The following EP400 variants were observed in gnomAD, a reference collection of about 807,000 sequenced individuals.
EP400 encodes the protein E1A-binding protein p400.
A neutral mutation model predicts 354.1 loss-of-function variants in EP400; 105 were observed. The ratio of observed to expected loss-of-function variants is 0.30; its 90% CI spans 0.25 to 0.35. The LOEUF (loss-of-function observed/expected upper bound fraction) is 0.35, where lower values mean the gene tolerates loss of function less well. Ranked by LOEUF, EP400 falls within the 10% of genes least tolerant of loss-of-function variation. The probability of loss-of-function intolerance (pLI) is 1.00; values close to 1 mark genes in which losing one functional copy is unlikely to be tolerated. For missense variants in EP400, 3,280 were observed against 4,121.0 expected, an observed-to-expected ratio of 0.80 and a Z score of 5.59; for synonymous variants, 1,646 against 1,716.9, an observed-to-expected ratio of 0.96 and a Z score of 1.02.
chr12:132,059,727 C>T (rs1479828091), intron 45 of EP400, among the ~76,000 whole-genome samples: 1 of 152,130 alleles, frequency 6.6e-6, no homozygotes, highest in Non-Finnish European at 1.5e-5. Context: ...AAAGGTTAGG[C>T]TTTCAGGCTG....
intron 32 of EP400, among the ~76,000 whole-genome samples, chr12:132,039,713 A>G (rs1593366446): frequency 6.6e-6 from 1 of 152,212 alleles, no homozygotes; most frequent in African/African-American, 2.4e-5. Flanking sequence ...GAGGTAATAC[A>G]TGCATGAGGT....
intron 2 of EP400, among the ~76,000 whole-genome samples, chr12:131,978,580 T>C (rs1892562062): frequency 6.6e-6 from 1 of 152,118 alleles, no homozygotes; most frequent in Non-Finnish European, 1.5e-5. Context: ...CAGAGTGCAG[T>C]GGCACAGTCC....
At chr12:131,950,403 G>A (rs1402783216) in intron 1 of EP400, among the ~76,000 whole-genome samples, 3 of 152,216 alleles carry the variant, frequency 2.0e-5, no homozygotes, top group African/African-American at 7.2e-5. Context: ...CGGGGCTGAG[G>A]GGGTGGCTCT....
chr12:132,049,208 T>G (rs1275200059), intron 39 of EP400, among the ~76,000 whole-genome samples: 3 of 152,244 alleles, frequency 2.0e-5, no homozygotes, highest in Non-Finnish European at 2.9e-5. Context: ...GGTTAGAGCC[T>G]GCACAGGAGT....
At chr12:131,995,654 C>G (rs6598187) in intron 12 of EP400, among the ~76,000 whole-genome samples, 14,439 of 143,390 alleles carry the variant, frequency 0.1, 1,590 homozygotes, top group African/African-American at 0.26. Context: ...GCCGTTCATC[C>G]TGAGTGTGTG....
chr12:132,024,545 G>A (rs1754940276), intron 24 of EP400, among the ~76,000 whole-genome samples: 1 of 152,224 alleles, frequency 6.6e-6, no homozygotes. Flanking sequence ...GTGAAGAGCA[G>A]TGTGTTTATA....
chr12:131,970,500 G>C (rs759095785), intron 2 of EP400, among the ~76,000 whole-genome samples: 1 of 152,136 alleles, frequency 6.6e-6, no homozygotes, highest in Non-Finnish European at 1.5e-5. Context: ...GTGCAGTAAT[G>C]TTCCTCGCAG....
At chr12:132,043,945 G>A (rs1477450229) in intron 34 of EP400, among the ~76,000 whole-genome samples, 6 of 152,202 alleles carry the variant, frequency 3.9e-5, no homozygotes, top group East Asian at 1.9e-4. Context: ...TTCTCCCCTC[G>A]TAGGGACCGT....
At chr12:131,987,975 C>T in intron 7 of EP400, 85 bp downstream of exon 7, 1 of 941,598 alleles carries the variant, frequency 1.1e-6, no homozygotes, top group Non-Finnish European at 1.4e-6. Flanking sequence ...GGGAGGTCTC[C>T]AGACCCACTT....
intron 48 of EP400, chr12:132,065,420 G>A (rs1251825974): frequency 6.3e-6 from 1 of 159,950 alleles, no homozygotes; most frequent in East Asian, 1.8e-4. Context: ...CGTGACTAGA[G>A]CTCAGCTAGG....
chr12:132,067,233 G>T lies in EP400; in HGVS notation c.8750-129G>T. Reference sequence around the variant, plus strand: ...AACATTTTAATGTAGTTAAGGGATGGCTTACTTGTCTCCATAGAGTTTCAT... The same window carrying T: ...AACATTTTAATGTAGTTAAGGGATGTCTTACTTGTCTCCATAGAGTTTCAT... On this transcript the variant is annotated intron_variant, in intron 49 of 52. Transcript: ENST00000389561. The surrounding 1 kb of genome is among the most constrained non-coding windows in gnomAD (Gnocchi z 5.3). 1 of 1,367,088 alleles carries T rather than the reference G, an allele frequency of 7.3e-7. No homozygotes were observed. The highest frequency in any genetic ancestry group is 2.3e-5 in the East Asian group (1 of 42,678). 84.7% of individuals were successfully genotyped at this position (1,367,088 alleles called of 1,614,324 possible).
At chr12:131,960,283 AG>A (rs1157981684) in intron 1 of EP400, among the ~76,000 whole-genome samples, 1 of 152,138 alleles carries the variant, frequency 6.6e-6, no homozygotes, top group East Asian at 1.9e-4. Flanking sequence ...TGAGGATTTG[AG>A]GGATGGCCTG....
At chr12:131,965,768 C>T (rs937837896) in intron 2 of EP400, among the ~76,000 whole-genome samples, 7 of 152,174 alleles carry the variant, frequency 4.6e-5, no homozygotes, top group Admixed American at 2.0e-4. Context: ...ATTTCAGATT[C>T]ATCTACTTTG....
At chr12:131,987,921 G>T in intron 7 of EP400, 31 bp downstream of exon 7, 1 of 1,542,024 alleles carries the variant, frequency 6.5e-7, no homozygotes, top group Non-Finnish European at 8.8e-7. Context: ...CTGCTGTGCT[G>T]TGTGCGTTGG....
chr12:132,012,895 T>C, intron 16 of EP400, 114 bp from the exon 17 acceptor site: 1 of 1,096,090 alleles, frequency 9.1e-7, no homozygotes, highest in South Asian at 2.2e-5. Flanking sequence ...GCAAGTAAAA[T>C]TATAGGTGGG....
intron 32 of EP400, among the ~76,000 whole-genome samples, chr12:132,040,063 T>C (rs934596540): frequency 2.0e-5 from 3 of 152,216 alleles, no homozygotes; most frequent in African/African-American, 7.2e-5. Flanking sequence ...GCAAAGGACC[T>C]GACTCTGCAT....
intron 21 of EP400, among the ~76,000 whole-genome samples, chr12:132,019,728 T>C (rs910845139): frequency 6.6e-6 from 1 of 152,212 alleles, no homozygotes. Flanking sequence ...TGTGCTGTAA[T>C]AGATGCGTTG....
At chr12:131,974,914 C>T (rs1451023908) in intron 2 of EP400, among the ~76,000 whole-genome samples, 8 of 140,462 alleles carry the variant, frequency 5.7e-5, no homozygotes, top group Admixed American at 2.3e-4. Flanking sequence ...TGCTTGAACC[C>T]GGGAGGCAGA....
At chr12:132,058,224 A>C (rs911958255) in intron 45 of EP400, among the ~76,000 whole-genome samples, 10 of 152,128 alleles carry the variant, frequency 6.6e-5, no homozygotes, top group Non-Finnish European at 7.4e-5. Context: ...TGGAACACAA[A>C]AGATATTAAC....
Sources: gnomAD v4.1 joint callset for allele counts (sites outside exome capture counted in the v4.1 genomes callset) on GRCh38, gnomAD v4.1.1 for gene constraint, Gnocchi (gnomAD v3.1) non-coding constraint, MANE v1.5 for transcripts, NCBI Gene and HGNC (gene_info 2026-07-23, HGNC 2026-07-21) for gene names.